Variants in MKLN1 observed in about 807,000 individuals in gnomAD.
MKLN1 encodes the protein muskelin.
MKLN1 carries 18 observed loss-of-function variants against 99.0 expected under a neutral mutation model. The observed-to-expected ratio is 0.18, with a 90% CI of 0.13 to 0.27. The LOEUF is 0.27. MKLN1 is among the 10% of genes least tolerant of loss of function. The probability of loss-of-function intolerance (pLI) is 1.00; values close to 1 mark genes in which losing one functional copy is unlikely to be tolerated. For synonymous variants in MKLN1, 288 were observed against 293.2 expected, an observed-to-expected ratio of 0.98 and a Z score of 0.18; for missense variants, 621 against 875.9, an observed-to-expected ratio of 0.71 and a Z score of 3.67.
chr7:131,344,805 A>G (rs1007458884), intron 1 of MKLN1, among the ~76,000 whole-genome samples: 36 of 152,182 alleles, frequency 2.4e-4, no homozygotes, highest in African/African-American at 7.7e-4. Context: ...TGGATCATAA[A>G]TAATTTTTTT....
At chr7:131,484,933 G>A (rs1797232310) in intron 17 of MKLN1, among the ~76,000 whole-genome samples, 1 of 151,950 alleles carries the variant, frequency 6.6e-6, no homozygotes, top group Non-Finnish European at 1.5e-5. Flanking sequence ...GGGGCTTTAA[G>A]AAATTAGAAT....
chr7:131,272,740 G>T (rs1797905570), intron 3 of MKLN1, among the ~76,000 whole-genome samples: 1 of 152,178 alleles, frequency 6.6e-6, no homozygotes, highest in African/African-American at 2.4e-5. Flanking sequence ...GAAAAATGAG[G>T]AAGAAGCAAA....
upstream of MKLN1, among the ~76,000 whole-genome samples, chr7:131,323,109 C>T: frequency 6.6e-6 from 1 of 152,284 alleles, no homozygotes; most frequent in East Asian, 1.9e-4. Context: ...ATAGTCTCAG[C>T]AGTCTTATTC....
chr7:131,280,371 T>C (rs754040496), intron 3 of MKLN1, among the ~76,000 whole-genome samples: 1 of 152,214 alleles, frequency 6.6e-6, no homozygotes, highest in Non-Finnish European at 1.5e-5. Context: ...TTCAGCATTT[T>C]GAGGAACTGC....
intron 4 of MKLN1, 90 bp downstream of exon 4, chr7:131,389,062 T>G (rs928607954): frequency 1.4e-6 from 1 of 723,730 alleles, no homozygotes; most frequent in Non-Finnish European, 2.2e-6. Flanking sequence ...GCAGGCCTCT[T>G]GTTTTTTTAA....
intron 1 of MKLN1, among the ~76,000 whole-genome samples, chr7:131,346,192 AC>A (rs1258146148): frequency 6.6e-6 from 1 of 152,210 alleles, no homozygotes; most frequent in Non-Finnish European, 1.5e-5. Context: ...TTCTATTGAT[AC>A]TTTTAAAAGA....
chr7:131,438,843 G>T (rs1157896802), intron 10 of MKLN1, among the ~76,000 whole-genome samples: 1 of 151,954 alleles, frequency 6.6e-6, no homozygotes, highest in African/African-American at 2.4e-5. Flanking sequence ...CAAAACTTAA[G>T]TGAGACCTAA....
chr7:131,403,411 A>T (rs1364608970), intron 6 of MKLN1, among the ~76,000 whole-genome samples: 2 of 152,192 alleles, frequency 1.3e-5, no homozygotes, highest in East Asian at 3.8e-4. Flanking sequence ...AGACCGCTCT[A>T]ACTTTCTCCA....
chr7:131,137,925 C>CTTT (rs58860730), intron 1 of MKLN1, among the ~76,000 whole-genome samples: 12 of 118,766 alleles, frequency 1.0e-4, no homozygotes, highest in Non-Finnish European at 1.9e-4. Flanking sequence ...TCTTTCTTTA[C>CTTT]TTTTTTTTTT....
intron 1 of MKLN1, among the ~76,000 whole-genome samples, chr7:131,123,261 C>T (rs6467349): frequency 0.43 from 64,828 of 151,858 alleles, 15,643 homozygotes; most frequent in Non-Finnish European, 0.56. Flanking sequence ...AAACTTTTTC[C>T]ATTTCTATAA....
Position 131,342,842 on chromosome 7 carries a change from A to G in MKLN1, c.98+14845A>G, listed in dbSNP as rs1018766708. Reference sequence around the variant, plus strand: ...ACAGGTTAAAGACAAACCTTTTTAAAAAATGTATATTTTTATTGCTATATA... The same window carrying G: ...ACAGGTTAAAGACAAACCTTTTTAAGAAATGTATATTTTTATTGCTATATA... On this transcript the variant is annotated intron_variant, in intron 1 of 17. Transcript: ENST00000352689. Among the ~76,000 whole-genome samples, 7 of 152,240 alleles carry G rather than the reference A, an allele frequency of 4.6e-5. No individual in the cohort carries two copies. The South Asian group carries it at 1.4e-3, about 32-fold the overall frequency.
At chr7:131,333,540 A>T (rs1451274977) in intron 1 of MKLN1, among the ~76,000 whole-genome samples, 3 of 146,970 alleles carry the variant, frequency 2.0e-5, no homozygotes, top group South Asian at 4.3e-4. Flanking sequence ...CTTTACAGAA[A>T]TTTTTTTTTT....
chr7:131,193,477 T>G (rs1275499300), intron 2 of MKLN1, among the ~76,000 whole-genome samples: 2 of 152,156 alleles, frequency 1.3e-5, no homozygotes, highest in Non-Finnish European at 2.9e-5. Context: ...GTGATTCTTC[T>G]GCCTCAGCCT....
intron 12 of MKLN1, among the ~76,000 whole-genome samples, chr7:131,451,077 A>G (rs956479492): frequency 6.6e-6 from 1 of 152,222 alleles, no homozygotes; most frequent in Non-Finnish European, 1.5e-5. Flanking sequence ...TCACTTTTAA[A>G]AAGTACATTT....
At chr7:131,176,228 A>G (rs1350382517) in intron 2 of MKLN1, among the ~76,000 whole-genome samples, 2 of 152,196 alleles carry the variant, frequency 1.3e-5, no homozygotes, top group Non-Finnish European at 2.9e-5. Context: ...TAACAGATTC[A>G]CATATTTGTA....
intron 3 of MKLN1, among the ~76,000 whole-genome samples, chr7:131,266,365 A>T (rs1797809209): frequency 6.6e-6 from 1 of 152,146 alleles, no homozygotes; most frequent in African/African-American, 2.4e-5. Context: ...TGGGACAATA[A>T]TTACTATTTT....
chr7:131,382,417 C>G (rs752653391), intron 2 of MKLN1, among the ~76,000 whole-genome samples: 2 of 151,470 alleles, frequency 1.3e-5, no homozygotes, highest in Admixed American at 6.6e-5. Context: ...TTTTAATTTG[C>G]ATTTTTAAAA....
At chr7:131,167,997 C>T (rs747918992) in intron 2 of MKLN1, among the ~76,000 whole-genome samples, 12 of 152,116 alleles carry the variant, frequency 7.9e-5, no homozygotes, top group Non-Finnish European at 1.3e-4. Flanking sequence ...AACCCAAATG[C>T]TGATATTAAA....
intron 5 of MKLN1, 134 bp from the exon 6 acceptor site, chr7:131,399,107 A>G (rs1794449328): frequency 1.4e-6 from 1 of 702,254 alleles, no homozygotes; most frequent in Non-Finnish European, 2.4e-6. Context: ...CTAATGAATC[A>G]GGTTAGTAAA....
Sources: allele counts gnomAD v4.1 joint callset (sites outside exome capture counted in the v4.1 genomes callset), GRCh38; gene constraint gnomAD v4.1.1; transcripts MANE v1.5; gene names NCBI Gene and HGNC (gene_info 2026-07-23, HGNC 2026-07-21).